Variants in IBTK observed in about 807,000 individuals in gnomAD.
IBTK encodes the protein BTK-binding protein.
Under a neutral mutation model 154.9 loss-of-function variants are expected in IBTK, and 83 were observed. That is an observed-to-expected ratio of 0.54 (90% CI 0.45 to 0.64). The LOEUF (loss-of-function observed/expected upper bound fraction) is 0.64. Among genes scored for constraint, IBTK ranks in the 30% least tolerant of loss-of-function variants. The pLI, the probability that IBTK is intolerant of heterozygous loss-of-function variation, is 0.00. For synonymous variants in IBTK, 515 were observed against 536.1 expected (o/e 0.96, Z 0.54); for missense variants, 1,332 against 1,584.6 (o/e 0.84, Z 2.71).
At chr6:82,226,848 C>T (rs534803976) in intron 5 of IBTK, among the ~76,000 whole-genome samples, 13 of 152,220 alleles carry the variant, frequency 8.5e-5, no homozygotes, top group East Asian at 5.8e-4. Flanking sequence ...TCAGGTGATC[C>T]GCCTGCTTCA....
rs143044074 is a variant in IBTK at position 82,201,594 on chromosome 6, T to G, written c.2730-112A>C. ...GCTAGATAAGTAACAAAGTTATTTT[T>G]TAAGCATTATATATAGCAGTTGCTA... On this transcript the variant is annotated intron_variant, in intron 18 of 28. Transcript: ENST00000306270. The G allele has an allele frequency of 1.2e-3, 817 of 681,322 alleles. 10 individuals carry two copies. In the East Asian group the frequency reaches 0.022, roughly 18 times the overall value. The allele number at this position is 681,322 out of a possible 1,614,324, so 42.2% of individuals were successfully genotyped here.
At position 82,240,743 on chromosome 6, in the gene IBTK, T is replaced by C. The variant is rs1440456094; in HGVS notation, c.-257A>G. 2 of 473,388 alleles carry C rather than the reference T, an allele frequency of 4.2e-6. No individual in the cohort carries two copies. The highest frequency in any genetic ancestry group is 4.0e-5 in the African/African-American group (2 of 49,880). 29.3% of individuals were successfully genotyped at this position (473,388 alleles called of 1,614,324 possible). A position where few individuals can be genotyped will look rare whatever the true frequency, so the allele number is the denominator to read the frequency against. On this transcript the variant is annotated 5_prime_UTR_variant, in exon 2 of 29. It adds an upstream start codon to the 5' untranslated region. Coordinates refer to ENST00000306270, the MANE Select transcript of IBTK (RefSeq NM_015525.4). ...CTTCATTTAAAAAAATTCCACAGTT[T>C]ATAAATTATTCCTGGAGTCAAGCAC...
Position 82,181,120 on chromosome 6 carries a change from C to T in IBTK, c.3725+759G>A, listed in dbSNP as rs191857605. Among the ~76,000 whole-genome samples, 290 of 152,154 alleles carry T rather than the reference C, an allele frequency of 1.9e-3. 10 individuals are homozygous for T. In the South Asian group the frequency reaches 0.042, roughly 22 times the overall value. ...TCAAAAATAGCTAGGCCAGGTGTGGCGGCTCATGCCTGTAATCCTAGAACT... is the reference window on the plus strand; with the variant it reads ...TCAAAAATAGCTAGGCCAGGTGTGGTGGCTCATGCCTGTAATCCTAGAACT... On this transcript the variant is annotated intron_variant, in intron 26 of 28. Transcript: ENST00000306270.
At chr6:82,219,629 T>A (rs1313332638) in intron 9 of IBTK, among the ~76,000 whole-genome samples, 2 of 129,976 alleles carry the variant, frequency 1.5e-5, no homozygotes, top group Non-Finnish European at 3.2e-5. Flanking sequence ...ATAAATACAT[T>A]AATTGAAGCA....
At chr6:82,196,521 G>T in intron 21 of IBTK, 75 bp from the exon 22 acceptor site, 1 of 735,358 alleles carries the variant, frequency 1.4e-6, no homozygotes, top group Non-Finnish European at 2.0e-6. Context: ...GAACCAGAGA[G>T]CTAAAAAAGC....
chr6:82,221,916 G>A (rs1291014718), intron 8 of IBTK, among the ~76,000 whole-genome samples: 1 of 152,150 alleles, frequency 6.6e-6, no homozygotes, highest in Non-Finnish European at 1.5e-5. Flanking sequence ...TGTAATCCAA[G>A]CATTTTGGGA....
At chr6:82,195,325 C>T (rs1768941115) in intron 22 of IBTK, among the ~76,000 whole-genome samples, 2 of 151,988 alleles carry the variant, frequency 1.3e-5, no homozygotes, top group African/African-American at 4.8e-5. Context: ...TCTGTAATGC[C>T]AGGACTCTAG....
At chr6:82,247,420 G>A (rs1027625160) in intron 1 of IBTK, 142 bp downstream of exon 1, 2 of 395,518 alleles carry the variant, frequency 5.1e-6, no homozygotes, top group African/African-American at 4.1e-5. Context: ...CAGCCTCGGG[G>A]CCACAGAGTC....
At position 82,224,032 on chromosome 6, in the gene IBTK, T is replaced by C. The variant is rs113542719; in HGVS notation, c.943+36A>G. The C allele has an allele frequency of 5.5e-5, 62 of 1,125,106 alleles. No individual in the cohort carries two copies. The African/African-American group carries it at 7.4e-4, about 13-fold the overall frequency. The allele number at this position is 1,125,106 out of a possible 1,614,324, so 69.7% of individuals were successfully genotyped here. A position where few individuals can be genotyped will look rare whatever the true frequency, so the allele number is the denominator to read the frequency against. On this transcript the variant is annotated intron_variant, in intron 7 of 28. Transcript: ENST00000306270. ...AAAGATAATTTTTTAAAGAGTCCAA[T>C]TTAATTTCCAGATATTGTCATTAAG... is the stretch of plus-strand genomic sequence containing the variant.
At chr6:82,215,233 C>T (rs992861793) in intron 11 of IBTK, among the ~76,000 whole-genome samples, 6 of 152,042 alleles carry the variant, frequency 3.9e-5, no homozygotes, top group Admixed American at 6.6e-5. Flanking sequence ...TGGGGCAGGC[C>T]TGGGCAAACC....
chr6:82,194,151 C>A (rs1280306691), intron 23 of IBTK, among the ~76,000 whole-genome samples: 1 of 152,082 alleles, frequency 6.6e-6, no homozygotes, highest in African/African-American at 2.4e-5. Context: ...CTATGATTGA[C>A]AAAATTGTCT....
chr6:82,226,183 T>A (rs1770291495), intron 5 of IBTK, among the ~76,000 whole-genome samples: 1 of 152,182 alleles, frequency 6.6e-6, no homozygotes, highest in Non-Finnish European at 1.5e-5. Flanking sequence ...CTATTATTAG[T>A]GTCATCATCA....
chr6:82,175,959 GC>G (rs1413711712), intron 26 of IBTK, among the ~76,000 whole-genome samples: 2 of 151,732 alleles, frequency 1.3e-5, no homozygotes, highest in Non-Finnish European at 2.9e-5. Context: ...AACCCAGGAG[GC>G]AGAGGTTGCG....
chr6:82,243,057 C>T (rs944655814), intron 1 of IBTK, among the ~76,000 whole-genome samples: 1 of 151,814 alleles, frequency 6.6e-6, no homozygotes, highest in Non-Finnish European at 1.5e-5. Flanking sequence ...CTGGCTAACA[C>T]GGTGAAACCT....
intron 21 of IBTK, among the ~76,000 whole-genome samples, chr6:82,197,031 T>C (rs1302647492): frequency 1.3e-5 from 2 of 152,204 alleles, no homozygotes; most frequent in African/African-American, 4.8e-5. Context: ...AGGGTTGTTG[T>C]GAAATGTATA....
Position 82,225,487 on chromosome 6 carries a change from A to G in IBTK, c.815T>C (p.Val272Ala). 5.6e-6 allele frequency: 9 copies of G among 1,612,652 alleles called. No homozygotes were observed. Among genetic ancestry groups the G allele is most frequent in the Non-Finnish European group, 7.6e-6 (9 of 1,179,202 alleles). ...AAGAGTAAAGCTTACCTGTCTGGGT[A>G]CATTACAACTGGAAGGCGGTGGAAT... ...GIIPPPSSCN[V>A]PRQIQAKYLK... The change falls in exon 6 of 29, where the codon GTA (valine) becomes GCA (alanine). Residue 272 changes from valine (V) to alanine (A), a missense_variant. This residue lies in a region of IBTK where 1,134 missense variants were observed against 1,274.7 expected (regional missense o/e 0.89). Coordinates refer to ENST00000306270, the MANE Select transcript of IBTK (RefSeq NM_015525.4).
intron 4 of IBTK, among the ~76,000 whole-genome samples, chr6:82,229,457 T>A (rs1470159704): frequency 6.6e-6 from 1 of 152,160 alleles, no homozygotes; most frequent in African/African-American, 2.4e-5. Context: ...TAAAGGTATA[T>A]CATGTACTAC....
intron 9 of IBTK, among the ~76,000 whole-genome samples, chr6:82,219,644 T>G (rs1012750107): frequency 5.9e-5 from 8 of 135,166 alleles, no homozygotes; most frequent in Non-Finnish European, 9.3e-5. Context: ...GAAGCATATA[T>G]TTCAGAAAAT....
chr6:82,233,936 G>C (rs1770618002), intron 3 of IBTK, among the ~76,000 whole-genome samples: 1 of 152,052 alleles, frequency 6.6e-6, no homozygotes, highest in African/African-American at 2.4e-5. Context: ...GTTGTACCAT[G>C]TTGGTCAGGC....
Sources: gnomAD v4.1 joint callset for allele counts (sites outside exome capture counted in the v4.1 genomes callset) on GRCh38, gnomAD v4.1.1 for gene constraint, gnomAD v4.1.1 regional missense constraint, MANE v1.5 for transcripts, NCBI Gene and HGNC (gene_info 2026-07-23, HGNC 2026-07-21) for gene names.